POLA1: variants seen among roughly 807,000 people sequenced by gnomAD.
POLA1 encodes the protein DNA polymerase alpha catalytic subunit.
POLA1 carries 15 observed loss-of-function variants against 124.0 expected under a neutral mutation model. The observed-to-expected ratio is 0.12, with a 90% CI of 0.08 to 0.19. The LOEUF is 0.19. Among genes scored for constraint, POLA1 ranks in the 10% least tolerant of loss-of-function variants. The probability of loss-of-function intolerance (pLI) is 1.00; values close to 1 mark genes in which losing one functional copy is unlikely to be tolerated. For synonymous variants in POLA1, 408 were observed against 389.4 expected, an observed-to-expected ratio of 1.05 and a Z score of -0.56; for missense variants, 886 against 1,103.4, an observed-to-expected ratio of 0.80 and a Z score of 2.79.
At chrX:24,714,044 G>C (rs961662751) in intron 4 of POLA1, among the ~76,000 whole-genome samples, 2 of 112,521 alleles carry the variant, frequency 1.8e-5, no homozygotes, top group East Asian at 2.8e-4. Context: ...CACTTATGCT[G>C]ATATTTAACT....
At chrX:24,958,675 A>AAC (rs776528451) in intron 36 of POLA1, among the ~76,000 whole-genome samples, 10 of 111,974 alleles carry the variant, frequency 8.9e-5, no homozygotes, top group South Asian at 3.7e-4. Context: ...CCCCTGTAGT[A>AAC]ACACACACAC....
At position 24,716,470 on chromosome X, in the gene POLA1, A is replaced by T; in HGVS notation, c.618+16A>T. The T allele has an allele frequency of 1.1e-6, 1 of 915,072 alleles. No individual in the cohort carries two copies. The allele number at this position is 915,072 out of a possible 1,213,427, so 75.4% of individuals were successfully genotyped here. A position where few individuals can be genotyped will look rare whatever the true frequency, so the allele number is the denominator to read the frequency against. Reference sequence around the variant, plus strand: ...CACCGCCACGGTAAAGTGTGTAGAGATACCTTCAATCTTGATTTATAGTAT... The same window carrying T: ...CACCGCCACGGTAAAGTGTGTAGAGTTACCTTCAATCTTGATTTATAGTAT... On this transcript the variant is annotated intron_variant, in intron 7 of 36. Transcript: ENST00000379068.
chrX:24,968,425 C>T (rs964313610), intron 36 of POLA1, among the ~76,000 whole-genome samples: 33 of 111,822 alleles, frequency 3.0e-4, no homozygotes, highest in Admixed American at 2.3e-3. Context: ...CCAGGCCGGG[C>T]GCAGTGGCTC....
Position 24,812,712 on chromosome X carries a change from G to T in POLA1, c.3145G>T (p.Val1049Phe). 1 of 1,202,207 alleles carries T rather than the reference G, an allele frequency of 8.3e-7. No homozygotes were observed. The highest frequency in any genetic ancestry group is 1.1e-6 in the Non-Finnish European group (1 of 887,329). The part of the protein sequence containing the change: ...YKLLEIDIDG[V>F]FKSLLLLKKK... ...ACTGCTTGAAATAGACATTGATGGG[G>T]TTTTCAAGTCTCTGCTACTGCTGAA... Residue 1049 changes from valine (V) to phenylalanine (F), a missense_variant, in exon 29 of 37, where the codon GTT (valine) becomes TTT (phenylalanine). Physicochemically the swap from Val to Phe is conservative, Grantham distance 50. This residue lies in a region of POLA1 where 313 missense variants were observed against 359.7 expected (regional missense o/e 0.87). Transcript: ENST00000379068.
At chrX:24,806,110 G>T (rs1212020413) in intron 26 of POLA1, among the ~76,000 whole-genome samples, 4 of 42,177 alleles carry the variant, frequency 9.5e-5, no homozygotes, top group African/African-American at 4.4e-4. Flanking sequence ...TTTTTTTTTT[G>T]AGAAGGTAGT....
At position 24,795,333 on chromosome X, in the gene POLA1, T is replaced by C. The variant is rs878989331; in HGVS notation, c.2965-14565T>C. 3.6e-5 allele frequency among the ~76,000 whole-genome samples: 4 copies of C among 112,033 alleles called. No homozygotes were observed. In the Admixed American group the frequency reaches 3.8e-4, roughly 11 times the overall value. The stretch of plus-strand genomic sequence containing the variant: ...TTATAACTGGTTCGTAAATGACTTA[T>C]GTGCTTTTCTGAAGCACTTTTTCAA... On this transcript the variant is annotated intron_variant, in intron 26 of 36. Transcript: ENST00000379068.
intron 35 of POLA1, among the ~76,000 whole-genome samples, chrX:24,915,381 A>G (rs1232812927): frequency 1.8e-5 from 2 of 112,080 alleles, no homozygotes; most frequent in African/African-American, 6.5e-5. Context: ...ATAAATCTCT[A>G]GTTCCTAAAT....
chrX:24,905,857 C>T (rs1044714468), intron 35 of POLA1, among the ~76,000 whole-genome samples: 40 of 112,268 alleles, frequency 3.6e-4, no homozygotes, highest in African/African-American at 1.3e-3. Context: ...GCCACTGTGC[C>T]TGGCCAACAC....
intron 26 of POLA1, among the ~76,000 whole-genome samples, chrX:24,750,326 T>G (rs968290204): frequency 8.8e-6 from 1 of 113,018 alleles, no homozygotes; most frequent in African/African-American, 3.2e-5. Flanking sequence ...CACTATCCAG[T>G]GCTGTAGTCT....
chrX:24,719,986 C>T (rs113700610), intron 10 of POLA1, among the ~76,000 whole-genome samples: 4,298 of 109,862 alleles, frequency 0.039, 216 homozygotes, highest in African/African-American at 0.13. Context: ...CTGACCATGT[C>T]AGTCGTCATT....
chrX:24,919,825 T>G (rs7061692), intron 35 of POLA1, among the ~76,000 whole-genome samples: 32 of 87,887 alleles, frequency 3.6e-4, no homozygotes, highest in East Asian at 7.2e-4. Flanking sequence ...TTTTTGTTTT[T>G]TTTTTTGTTT....
intron 1 of POLA1, among the ~76,000 whole-genome samples, chrX:24,694,285 A>C (rs953759265): frequency 2.7e-5 from 3 of 112,384 alleles, no homozygotes; most frequent in African/African-American, 9.7e-5. Context: ...AGTTGCACCC[A>C]CGTGCTGGGT....
chrX:24,973,378 G>T (rs776938971), intron 36 of POLA1, among the ~76,000 whole-genome samples: 1 of 107,611 alleles, frequency 9.3e-6, no homozygotes, highest in Non-Finnish European at 1.9e-5. Context: ...AAAAAGAAAA[G>T]GCAAGAAAGA....
intron 29 of POLA1, among the ~76,000 whole-genome samples, chrX:24,813,811 CAA>C (rs553323828): frequency 9.4e-4 from 32 of 33,993 alleles, no homozygotes; most frequent in African/African-American, 1.5e-3. Flanking sequence ...GAGACGCCGT[CAA>C]AAAAAAAAAA....
Position 24,843,650 on chromosome X carries a change from T to C in POLA1, c.4020T>C (p.Ile1340=). 1 of 1,175,269 alleles carries C rather than the reference T, an allele frequency of 8.5e-7. No individual in the cohort carries two copies. Among genetic ancestry groups the C allele is most frequent in the Middle Eastern group, 2.3e-4 (1 of 4,260 alleles). ...VQLSNKLIMD[I]RRFIKKYYDG... ...TGAGCAACAAATTGATCATGGACATTAGACGTTTCATTAAAAAGTACTATG... is the reference window on the plus strand; with the variant it reads ...TGAGCAACAAATTGATCATGGACATCAGACGTTTCATTAAAAAGTACTATG... Residue 1340 remains isoleucine (I), a synonymous_variant, in exon 34 of 37, where the codon ATT becomes ATC. Transcript: ENST00000379068.
At chrX:24,969,685 A>G (rs1254752591) in intron 36 of POLA1, among the ~76,000 whole-genome samples, 1 of 110,705 alleles carries the variant, frequency 9.0e-6, no homozygotes, top group Non-Finnish European at 1.9e-5. Flanking sequence ...GGGTGTATGT[A>G]CAGGATTTGC....
At chrX:24,842,474 A>G (rs181175625) in intron 33 of POLA1, among the ~76,000 whole-genome samples, 2 of 112,520 alleles carry the variant, frequency 1.8e-5, no homozygotes, top group East Asian at 5.5e-4. Context: ...AGGCAGCAGA[A>G]CTGTGTAAAA....
intron 30 of POLA1, among the ~76,000 whole-genome samples, chrX:24,817,622 A>G (rs1045767540): frequency 2.8e-4 from 31 of 109,389 alleles, no homozygotes; most frequent in East Asian, 2.3e-3. Flanking sequence ...AAAAAAAAAA[A>G]AAAAGAAAAG....
chrX:24,900,827 C>A (rs768721171), intron 35 of POLA1, among the ~76,000 whole-genome samples: 5 of 111,536 alleles, frequency 4.5e-5, no homozygotes, highest in African/African-American at 1.6e-4. Flanking sequence ...TAGGGCAGCA[C>A]TCTTTAAATA....
Sources: gnomAD v4.1 joint callset for allele counts (sites outside exome capture counted in the v4.1 genomes callset) on GRCh38, gnomAD v4.1.1 for gene constraint, gnomAD v4.1.1 regional missense constraint, MANE v1.5 for transcripts, NCBI Gene and HGNC (gene_info 2026-07-23, HGNC 2026-07-21) for gene names.